The following ANKS1B variants were observed in gnomAD, a reference collection of about 807,000 sequenced individuals.
ANKS1B encodes ankyrin repeat and sterile alpha motif domain containing 1B.
A neutral mutation model predicts 148.3 loss-of-function variants in ANKS1B; 36 were observed. That is an observed-to-expected ratio of 0.24 (90% CI 0.19 to 0.32). The LOEUF (loss-of-function observed/expected upper bound fraction) is 0.32, where lower values mean the gene tolerates loss of function less well. Among genes scored for constraint, ANKS1B ranks in the 10% least tolerant of loss-of-function variants. The probability of loss-of-function intolerance (pLI) is 1.00; values close to 1 mark genes in which losing one functional copy is unlikely to be tolerated. For synonymous variants in ANKS1B, 542 were observed against 560.8 expected, an observed-to-expected ratio of 0.97 and a Z score of 0.47; for missense variants, 1,157 against 1,542.6, an observed-to-expected ratio of 0.75 and a Z score of 4.19.
intron 14 of ANKS1B, among the ~76,000 whole-genome samples, chr12:99,178,900 C>T (rs1293409759): frequency 6.6e-6 from 1 of 152,148 alleles, no homozygotes; most frequent in Non-Finnish European, 1.5e-5. Flanking sequence ...GATATCTCTT[C>T]AACTCACCCT....
chr12:99,543,741 A>G (rs1030382125), intron 9 of ANKS1B, among the ~76,000 whole-genome samples: 10 of 152,110 alleles, frequency 6.6e-5, no homozygotes, highest in Non-Finnish European at 1.2e-4. Context: ...TAAGTGAGAA[A>G]AAAACAGATA....
chr12:98,898,249 C>G (rs1301745375), intron 17 of ANKS1B, among the ~76,000 whole-genome samples: 1 of 152,126 alleles, frequency 6.6e-6, no homozygotes, highest in Non-Finnish European at 1.5e-5. Context: ...ATATTACAGT[C>G]TGGAAATTAA....
intron 12 of ANKS1B, among the ~76,000 whole-genome samples, chr12:99,303,723 AC>A (rs2081986133): frequency 6.6e-6 from 1 of 152,050 alleles, no homozygotes; most frequent in Non-Finnish European, 1.5e-5. Context: ...ATTTTGGTGC[AC>A]CCATTACCCA....
intron 10 of ANKS1B, among the ~76,000 whole-genome samples, chr12:99,493,818 T>C (rs2096577524): frequency 6.6e-6 from 1 of 152,166 alleles, no homozygotes; most frequent in South Asian, 2.1e-4. Context: ...TAAGTAGATA[T>C]ACAAGTAAAG....
intron 8 of ANKS1B, among the ~76,000 whole-genome samples, chr12:99,741,548 T>C (rs2060113926): frequency 1.3e-5 from 2 of 152,144 alleles, no homozygotes; most frequent in South Asian, 4.1e-4. Context: ...ATATATACCA[T>C]GGAATACTAT....
intron 9 of ANKS1B, among the ~76,000 whole-genome samples, chr12:98,737,522 T>C (rs1005297809): frequency 3.3e-5 from 5 of 152,228 alleles, no homozygotes; most frequent in Non-Finnish European, 7.3e-5. Flanking sequence ...CAGGACTGTA[T>C]AGAGTCTAAC....
At chr12:98,900,452 T>G (rs1421950286) in intron 17 of ANKS1B, among the ~76,000 whole-genome samples, 2 of 152,192 alleles carry the variant, frequency 1.3e-5, no homozygotes, top group Non-Finnish European at 2.9e-5. Context: ...AGAATCTGCC[T>G]CCGTCCTTCA....
At chr12:99,532,702 G>A (rs1300950275) in intron 9 of ANKS1B, among the ~76,000 whole-genome samples, 1 of 152,072 alleles carries the variant, frequency 6.6e-6, no homozygotes, top group Non-Finnish European at 1.5e-5. Context: ...TTTTATACAT[G>A]GTGAGAGATA....
chr12:99,948,954 G>T (rs1166275772), intron 1 of ANKS1B, among the ~76,000 whole-genome samples: 1 of 152,122 alleles, frequency 6.6e-6, no homozygotes, highest in Non-Finnish European at 1.5e-5. Context: ...GCTAAGTGTT[G>T]GGGGATAGGA....
chr12:99,516,856 C>T (rs966807194), intron 9 of ANKS1B, among the ~76,000 whole-genome samples: 2 of 151,942 alleles, frequency 1.3e-5, no homozygotes, highest in African/African-American at 4.8e-5. Context: ...GTTCTCTATT[C>T]TATTCCATTG....
chr12:99,346,314 C>CT (rs553561313), intron 12 of ANKS1B, among the ~76,000 whole-genome samples: 242 of 151,336 alleles, frequency 1.6e-3, no homozygotes, highest in Non-Finnish European at 2.2e-3. Flanking sequence ...TCTTCCTTTT[C>CT]TTTTTTTAAC....
chr12:99,677,394 G>C (rs59941633), intron 8 of ANKS1B, among the ~76,000 whole-genome samples: 1 of 151,870 alleles, frequency 6.6e-6, no homozygotes, highest in Non-Finnish European at 1.5e-5. Context: ...AAATAATATA[G>C]CCTAAATAAT....
intron 1 of ANKS1B, among the ~76,000 whole-genome samples, chr12:99,841,254 G>C (rs1281517873): frequency 6.6e-6 from 1 of 151,976 alleles, no homozygotes; most frequent in Non-Finnish European, 1.5e-5. Flanking sequence ...AATGGCTCTT[G>C]TGGTTTGTTA....
At chr12:99,718,044 C>T (rs1600516280) in intron 8 of ANKS1B, among the ~76,000 whole-genome samples, 1 of 151,466 alleles carries the variant, frequency 6.6e-6, no homozygotes, top group Admixed American at 6.6e-5. Context: ...GCTGGGACTA[C>T]AGGCGCCCGC....
chr12:99,065,817 T>C (rs945067044), intron 16 of ANKS1B, among the ~76,000 whole-genome samples: 2 of 152,250 alleles, frequency 1.3e-5, no homozygotes, highest in Non-Finnish European at 2.9e-5. Context: ...GTTTACCTTC[T>C]AAGTGGGGAA....
rs113246754 is a variant in ANKS1B at position 98,767,860 on chromosome 12, T to C, written c.3579+5182A>G. 3.7e-3 allele frequency among the ~76,000 whole-genome samples: 570 copies of C among 152,338 alleles called. 2 individuals are homozygous for C. Among genetic ancestry groups the C allele is most frequent in the African/African-American group, 0.013 (549 of 41,574 alleles). On this transcript the variant is annotated intron_variant, in intron 25 of 26. Coordinates refer to ENST00000683438, the MANE Select transcript of ANKS1B (RefSeq NM_001352186.2). ...TCTCTCTCTCTCACCTATAGTGGCC[T>C]TTTGAGGACGATCACTTCAGCCTCG...
intron 19 of ANKS1B, among the ~76,000 whole-genome samples, chr12:98,817,076 G>T (rs2099147755): frequency 6.6e-6 from 1 of 152,132 alleles, no homozygotes; most frequent in South Asian, 2.1e-4. Context: ...AGGGTATTCA[G>T]AAATTGACCA....
intron 9 of ANKS1B, among the ~76,000 whole-genome samples, chr12:99,594,195 C>T (rs904125535): frequency 7.9e-5 from 12 of 152,168 alleles, no homozygotes; most frequent in African/African-American, 2.9e-4. Context: ...GCTGTTATTA[C>T]TACAGATAAA....
At chr12:99,215,742 C>A (rs1430934958) in intron 14 of ANKS1B, among the ~76,000 whole-genome samples, 3 of 152,210 alleles carry the variant, frequency 2.0e-5, no homozygotes, top group African/African-American at 4.8e-5. Context: ...TGCCTGTACC[C>A]TCATTATACC....
Sources: gnomAD v4.1 joint callset for allele counts (sites outside exome capture counted in the v4.1 genomes callset) on GRCh38, gnomAD v4.1.1 for gene constraint, MANE v1.5 for transcripts, NCBI Gene and HGNC (gene_info 2026-07-23, HGNC 2026-07-21) for gene names.